The following PTGER3 variants were observed in gnomAD, a reference collection of about 807,000 sequenced individuals.
The protein encoded by PTGER3 is prostaglandin E receptor 3, also known as prostaglandin E2 receptor EP3 subtype.
In PTGER3, 22 loss-of-function variants were observed where a neutral mutation model predicts 34.7. The observed-to-expected ratio is 0.63, with a 90% CI of 0.45 to 0.91. The LOEUF (loss-of-function observed/expected upper bound fraction) is 0.91, where lower values mean the gene tolerates loss of function less well. PTGER3 is among the 40% of genes least tolerant of loss of function. PTGER3 has a pLI of 0.00. For synonymous variants in PTGER3, 241 were observed against 230.1 expected (o/e 1.05, Z -0.43); for missense variants, 468 against 519.4 (o/e 0.90, Z 0.96).
In PTGER3 at chr1:70,870,533, C is replaced by A. The variant is rs181138847; in HGVS notation, c.*24-17674G>T. Among the ~76,000 whole-genome samples the A allele has an allele frequency of 3.9e-5, 6 of 152,360 alleles. No homozygotes were observed. In the East Asian group the frequency reaches 1.2e-3, roughly 29 times the overall value. ...CTGCCACATGGCTAGGCTGAGAAAT[C>A]TTCTAAACATTTATGCTCTGCTTTC... On this transcript the variant is annotated intron_variant, in intron 4 of 4. Coordinates refer to the PTGER3 transcript ENST00000370931.
intron 2 of PTGER3, among the ~76,000 whole-genome samples, chr1:70,996,639 T>TTTTATTTGTTTATTTATTTA (rs1553173496): frequency 8.1e-6 from 1 of 122,752 alleles, no homozygotes; most frequent in African/African-American, 3.0e-5. Context: ...TTTTTTGTAT[T>TTTTATTTGTTTATTTATTTA]TTTATTTATT....
At chr1:71,035,758 G>A (rs974976363) in intron 1 of PTGER3, among the ~76,000 whole-genome samples, 4 of 152,232 alleles carry the variant, frequency 2.6e-5, no homozygotes, top group African/African-American at 7.2e-5. Flanking sequence ...TGGCCTTGCA[G>A]GCAATCTCTT....
chr1:70,982,902 A>G (rs1269893747), intron 2 of PTGER3, among the ~76,000 whole-genome samples: 2 of 152,204 alleles, frequency 1.3e-5, no homozygotes. Context: ...GTGTAAACAT[A>G]TATCAACACA....
chr1:70,880,855 C>T (rs1035669378), intron 4 of PTGER3, among the ~76,000 whole-genome samples: 2 of 152,100 alleles, frequency 1.3e-5, no homozygotes, highest in African/African-American at 4.8e-5. Context: ...TGCATTTCAA[C>T]GTTGGAGAAT....
chr1:70,924,149 G>T (rs1647822949), intron 4 of PTGER3, among the ~76,000 whole-genome samples: 1 of 152,002 alleles, frequency 6.6e-6, no homozygotes, highest in African/African-American at 2.4e-5. Flanking sequence ...GATACACATG[G>T]TAGGGCTTGG....
intron 2 of PTGER3, among the ~76,000 whole-genome samples, chr1:70,978,008 C>A (rs768748544): frequency 9.2e-5 from 14 of 152,024 alleles, no homozygotes; most frequent in Non-Finnish European, 2.1e-4. Context: ...TATTTGTAAT[C>A]GGTACTCTTA....
intron 1 of PTGER3, among the ~76,000 whole-genome samples, chr1:71,027,323 T>G (rs1001279427): frequency 2.0e-5 from 3 of 152,106 alleles, no homozygotes; most frequent in Non-Finnish European, 4.4e-5. Context: ...CCGGGTTAAT[T>G]TTTTTCTTTT....
intron 4 of PTGER3, among the ~76,000 whole-genome samples, chr1:70,946,492 A>G (rs1371507883): frequency 6.6e-6 from 1 of 152,192 alleles, no homozygotes; most frequent in African/African-American, 2.4e-5. Context: ...GGCAAGTAAT[A>G]AAACAATCTT....
intron 4 of PTGER3, among the ~76,000 whole-genome samples, chr1:70,917,403 T>TTGTGTGTGTGTGTGTGTG (rs59163586): frequency 0.024 from 3,280 of 136,226 alleles, 65 homozygotes; most frequent in East Asian, 0.038. Flanking sequence ...GTATTTTATT[T>TTGTGTGTGTGTGTGTGTG]TGTGTGTGTG....
chr1:71,028,517 T>C (rs1333958772), intron 1 of PTGER3, among the ~76,000 whole-genome samples: 1 of 152,190 alleles, frequency 6.6e-6, no homozygotes. Flanking sequence ...GCAACATAAA[T>C]ATAGTGACAC....
chr1:70,926,132 C>A (rs1019332481), intron 4 of PTGER3, among the ~76,000 whole-genome samples: 2 of 152,110 alleles, frequency 1.3e-5, no homozygotes, highest in Non-Finnish European at 2.9e-5. Context: ...GAGCTTCTGA[C>A]CCAACATAGT....
At chr1:70,916,175 CACAATGAGAT>C (rs771231601) in intron 4 of PTGER3, among the ~76,000 whole-genome samples, 7 of 151,840 alleles carry the variant, frequency 4.6e-5, no homozygotes, top group Non-Finnish European at 7.4e-5. Flanking sequence ...AAATCAAAAC[CACAATGAGAT>C]ACAATCTCAC....
chr1:71,044,445 A>T (rs1017126416), intron 1 of PTGER3, among the ~76,000 whole-genome samples: 3 of 151,358 alleles, frequency 2.0e-5, no homozygotes, highest in Admixed American at 1.3e-4. Flanking sequence ...GTCTCAAAAA[A>T]AAAAAAAATT....
intron 4 of PTGER3, among the ~76,000 whole-genome samples, chr1:70,931,552 A>G (rs886837764): frequency 1.3e-5 from 2 of 152,208 alleles, no homozygotes; most frequent in Non-Finnish European, 2.9e-5. Context: ...TCTGAAATCT[A>G]GGTGGAGGTT....
intron 4 of PTGER3, among the ~76,000 whole-genome samples, chr1:70,878,096 G>T (rs1160243331): frequency 1.3e-5 from 2 of 152,054 alleles, no homozygotes; most frequent in East Asian, 3.9e-4. Context: ...GAATCCGTCT[G>T]GTTCTGGGCT....
chr1:71,045,490 C>A (rs910290531), intron 1 of PTGER3, among the ~76,000 whole-genome samples: 2 of 152,172 alleles, frequency 1.3e-5, no homozygotes, highest in Admixed American at 1.3e-4. Flanking sequence ...TCTATTAACC[C>A]AGACACCCCA....
chr1:70,862,333 T>G lies in PTGER3; in HGVS notation c.*24-9474A>C, dbSNP rs777348554. On this transcript the variant is annotated intron_variant, in intron 4 of 4. Coordinates refer to the PTGER3 transcript ENST00000370931. ...TGCTGTCAAAATAGTTCACAGATAC[T>G]TCATCCCAGGGTTAGGCAGATTTAT... 3 of 1,365,214 alleles carry G rather than the reference T, an allele frequency of 2.2e-6. No homozygotes were observed. In the Admixed American group the frequency reaches 5.7e-5, roughly 26 times the overall value. The allele number at this position is 1,365,214 out of a possible 1,614,324, so 84.6% of individuals were successfully genotyped here.
chr1:70,932,781 C>T (rs1474192567), intron 4 of PTGER3, among the ~76,000 whole-genome samples: 2 of 152,076 alleles, frequency 1.3e-5, no homozygotes, highest in Non-Finnish European at 2.9e-5. Context: ...ATATCACCTC[C>T]CTCTTTCAAC....
intron 2 of PTGER3, chr1:70,953,881 A>C: frequency 1.7e-6 from 1 of 582,794 alleles, no homozygotes; most frequent in Non-Finnish European, 2.9e-6. Context: ...TTCAATGAAA[A>C]TAGCTATTTC....
Sources: allele counts gnomAD v4.1 joint callset (sites outside exome capture counted in the v4.1 genomes callset), GRCh38; gene constraint gnomAD v4.1.1; transcripts MANE v1.5; gene names NCBI Gene and HGNC (gene_info 2026-07-23, HGNC 2026-07-21).